Variants in TASP1 observed in about 807,000 individuals in gnomAD.
TASP1 encodes the protein taspase 1, also known as threonine aspartase 1.
In TASP1, 16 loss-of-function variants were observed where a neutral mutation model predicts 56.6. That is an observed-to-expected ratio of 0.28 (90% confidence interval 0.19 to 0.43). The LOEUF (loss-of-function observed/expected upper bound fraction) is 0.43. Among genes scored for constraint, TASP1 ranks in the 20% least tolerant of loss-of-function variants. TASP1 has a pLI of 1.00. For synonymous variants in TASP1, 179 were observed against 184.2 expected (o/e 0.97, Z 0.23); for missense variants, 393 against 511.6 (o/e 0.77, Z 2.24).
the TASP1 span, chr20:13,299,500 G>A: frequency 6.5e-6 from 10 of 1,546,492 alleles, no homozygotes; most frequent in Non-Finnish European, 8.8e-6. The surrounding 1 kb of genome is among the most constrained non-coding windows in gnomAD (Gnocchi z 5.8). Context: ...TCTGGTTCTG[G>A]AGCACACACG....
intron 7 of TASP1, among the ~76,000 whole-genome samples, chr20:13,565,051 C>A (rs2046476435): frequency 6.7e-6 from 1 of 148,406 alleles, no homozygotes; most frequent in African/African-American, 2.5e-5. Flanking sequence ...AAGGCCATTA[C>A]ACAGAAAAAT....
At chr20:13,363,740 G>A in the TASP1 span, among the ~76,000 whole-genome samples, 1,369 of 152,316 alleles carry the variant, frequency 9.0e-3, 23 homozygotes, top group African/African-American at 0.031. Flanking sequence ...TTAAATTACA[G>A]GACACCTAGT....
intron 11 of TASP1, among the ~76,000 whole-genome samples, chr20:13,464,905 G>A (rs1027634588): frequency 6.6e-6 from 1 of 152,154 alleles, no homozygotes; most frequent in African/African-American, 2.4e-5. Context: ...ACTCATGCCT[G>A]TAATCCCAAC....
At chr20:13,531,067 G>A (rs781018426) in intron 9 of TASP1, among the ~76,000 whole-genome samples, 3 of 152,120 alleles carry the variant, frequency 2.0e-5, no homozygotes, top group Admixed American at 6.6e-5. Context: ...AGGATCATGC[G>A]AATTAACGTA....
rs570286038 is a variant in TASP1 at position 13,570,689 on chromosome 20, T to C, written c.489-1103A>G. 5.3e-5 allele frequency among the ~76,000 whole-genome samples: 8 copies of C among 152,142 alleles called. No homozygotes were observed. The South Asian group carries it at 1.0e-3, about 20-fold the overall frequency. On this transcript the variant is annotated intron_variant, in intron 6 of 13. Transcript: ENST00000337743. ...AATGAGAATAAACAACTTTACCTCT[T>C]CAAAATTCTACTTTAAAAAAAAAAT...
chr20:13,359,518 C>T, the TASP1 span, among the ~76,000 whole-genome samples: 3 of 151,474 alleles, frequency 2.0e-5, no homozygotes, highest in Non-Finnish European at 2.9e-5. Flanking sequence ...AAGGTAAGCC[C>T]GTCCCCTTCT....
intron 11 of TASP1, among the ~76,000 whole-genome samples, chr20:13,457,683 A>C (rs1682026846): frequency 1.3e-5 from 2 of 152,146 alleles, no homozygotes; most frequent in African/African-American, 2.4e-5. Context: ...CATCTGTGAT[A>C]AGGCTGCAAT....
intron 12 of TASP1, among the ~76,000 whole-genome samples, chr20:13,434,707 T>C (rs1471958919): frequency 6.6e-6 from 1 of 152,164 alleles, no homozygotes; most frequent in African/African-American, 2.4e-5. Flanking sequence ...GAAGCCTCTC[T>C]ATTACTGTGT....
chr20:13,539,110 C>T (rs934042515), intron 8 of TASP1, among the ~76,000 whole-genome samples: 3 of 152,096 alleles, frequency 2.0e-5, no homozygotes, highest in African/African-American at 7.2e-5. Context: ...ATGAAACCAG[C>T]AAAAATCTGA....
At chr20:13,447,482 T>C (rs2043454642) in intron 11 of TASP1, among the ~76,000 whole-genome samples, 1 of 152,274 alleles carries the variant, frequency 6.6e-6, no homozygotes. Context: ...GCTGGTTAGC[T>C]AAGTGGCAAA....
chr20:13,438,399 T>C (rs2043090634), intron 11 of TASP1, among the ~76,000 whole-genome samples: 1 of 152,164 alleles, frequency 6.6e-6, no homozygotes, highest in Non-Finnish European at 1.5e-5. Flanking sequence ...AAACAAGAAA[T>C]GGGGAAATGA....
the TASP1 span, among the ~76,000 whole-genome samples, chr20:13,229,175 A>T: frequency 6.6e-6 from 1 of 150,936 alleles, no homozygotes; most frequent in South Asian, 2.1e-4. Flanking sequence ...AAAGTTTTTT[A>T]AAACTACATA....
intron 4 of TASP1, chr20:13,614,985 A>G (rs2048472258): frequency 3.4e-6 from 1 of 292,600 alleles, no homozygotes; most frequent in African/African-American, 2.2e-5. Context: ...CATATTGACA[A>G]TAATATGGAA....
chr20:13,153,015 G>A, the TASP1 span, among the ~76,000 whole-genome samples: 2 of 152,194 alleles, frequency 1.3e-5, no homozygotes, highest in East Asian at 1.9e-4. Flanking sequence ...ATGGAGGTCT[G>A]CTAAAGACAA....
rs138260771 is a variant in TASP1 at position 13,611,356 on chromosome 20, A to C, written c.282+12090T>G. On this transcript the variant is annotated intron_variant, in intron 4 of 13. Transcript: ENST00000337743. ...AATTTGGTTCAACCTTATTTGGGTC[A>C]CCGAGGTTTTTGATCTGCTTTAGCT... Among the ~76,000 whole-genome samples, 116 of 152,320 alleles carry C rather than the reference A, an allele frequency of 7.6e-4. No individual in the cohort carries two copies. In the Middle Eastern group the frequency reaches 0.017, roughly 22 times the overall value.
chr20:13,614,780 G>T (rs1173049913), intron 4 of TASP1: 1 of 467,270 alleles, frequency 2.1e-6, no homozygotes, highest in Non-Finnish European at 4.4e-6. Flanking sequence ...TTTCACATTT[G>T]AAATAGTTTT....
chr20:13,112,941 G>A, the TASP1 span, among the ~76,000 whole-genome samples: 420 of 152,176 alleles, frequency 2.8e-3, 2 homozygotes, highest in African/African-American at 9.3e-3. Context: ...CTATCACTTC[G>A]GGAGACCAAG....
chr20:13,153,973 T>C, the TASP1 span: 1 of 1,610,580 alleles, frequency 6.2e-7, no homozygotes, highest in East Asian at 2.2e-5. Context: ...CTAGTGGGAA[T>C]TGATGGATTT....
chr20:13,360,696 CT>C, the TASP1 span, among the ~76,000 whole-genome samples: 4 of 152,314 alleles, frequency 2.6e-5, no homozygotes, highest in African/African-American at 4.8e-5. Flanking sequence ...AATCTATTTT[CT>C]TCCTCATACC....
Sources: gnomAD v4.1 joint callset for allele counts (sites outside exome capture counted in the v4.1 genomes callset) on GRCh38, gnomAD v4.1.1 for gene constraint, Gnocchi (gnomAD v3.1) non-coding constraint, MANE v1.5 for transcripts, NCBI Gene and HGNC (gene_info 2026-07-23, HGNC 2026-07-21) for gene names.